Variants in MAPT observed in about 807,000 individuals in gnomAD.
MAPT encodes the protein microtubule-associated protein tau.
Under a neutral mutation model 67.9 loss-of-function variants are expected in MAPT, and 34 were observed. The ratio of observed to expected loss-of-function variants is 0.50; its 90% confidence interval spans 0.38 to 0.67. The LOEUF (loss-of-function observed/expected upper bound fraction) is 0.67, where lower values mean the gene tolerates loss of function less well. Ranked by LOEUF, MAPT falls within the 30% of genes least tolerant of loss-of-function variation. The pLI, the probability that MAPT is intolerant of heterozygous loss-of-function variation, is 0.00. For synonymous variants in MAPT, 456 were observed against 464.5 expected, an observed-to-expected ratio of 0.98 and a Z score of 0.23; for missense variants, 881 against 1,115.2, an observed-to-expected ratio of 0.79 and a Z score of 2.99.
At chr17:45,999,663 G>A in intron 9 of MAPT, 1 of 1,598,476 alleles carries the variant, frequency 6.3e-7, no homozygotes, top group South Asian at 1.1e-5. Flanking sequence ...CATGCCAAGT[G>A]TAGAAAGGGG....
At chr17:45,961,778 T>TTG (rs1162119650) in intron 1 of MAPT, among the ~76,000 whole-genome samples, 1 of 151,224 alleles carries the variant, frequency 6.6e-6, no homozygotes, top group African/African-American at 2.4e-5. Context: ...TTGTTTTGTT[T>TTG]TTTTTTTTTT....
At chr17:45,928,699 G>T (rs1439954415) in intron 1 of MAPT, among the ~76,000 whole-genome samples, 1 of 152,040 alleles carries the variant, frequency 6.6e-6, no homozygotes, top group African/African-American at 2.4e-5. Context: ...TTGTTTGTTT[G>T]TTTGTTTGTT....
intron 1 of MAPT, chr17:45,931,923 C>T (rs1343565762): frequency 6.6e-6 from 1 of 151,782 alleles, no homozygotes; most frequent in Non-Finnish European, 1.5e-5. Context: ...CCTGTCTCTA[C>T]TGAAAACAAT....
At chr17:45,991,887 C>T (rs1180709674) in intron 8 of MAPT, among the ~76,000 whole-genome samples, 2 of 151,646 alleles carry the variant, frequency 1.3e-5, no homozygotes, top group African/African-American at 2.4e-5. Context: ...CAGGTTCAAG[C>T]GATTCTCCTA....
At chr17:45,932,577 A>C (rs561083344) in intron 1 of MAPT, among the ~76,000 whole-genome samples, 62 of 145,092 alleles carry the variant, frequency 4.3e-4, no homozygotes, top group African/African-American at 1.5e-3. Flanking sequence ...CCTGGGAGAC[A>C]GAGTAAGACT....
At position 45,999,697 on chromosome 17, in the gene MAPT, C is replaced by T. The variant is rs776312031; in HGVS notation, c.1998+3033C>T. On this transcript the variant is annotated intron_variant, in intron 9 of 12. Coordinates refer to ENST00000262410, the MANE Select transcript of MAPT (RefSeq NM_001377265.1). ...GGCAGATGGGAGCCCCAGGTTATGA[C>T]GTCACCATGCTGGGTGGAGGCAGCA... 1.8e-5 allele frequency: 28 copies of T among 1,532,484 alleles called. No individual in the cohort carries two copies. In the African/African-American group the frequency reaches 1.9e-4, roughly 11 times the overall value. 94.9% of individuals were successfully genotyped at this position (1,532,484 alleles called of 1,614,324 possible).
chr17:45,901,062 G>A (rs1418988205), intron 1 of MAPT, among the ~76,000 whole-genome samples: 1 of 152,100 alleles, frequency 6.6e-6, no homozygotes, highest in Non-Finnish European at 1.5e-5. Context: ...AGGAAAAGTC[G>A]GCAACTACCC....
Position 45,996,364 on chromosome 17 carries a change from C to T in MAPT, c.1733-35C>T, listed in dbSNP as rs748323009. On this transcript the variant is annotated intron_variant, in intron 8 of 12. Transcript: ENST00000262410. The surrounding 1 kb of genome is among the most constrained non-coding windows in gnomAD (Gnocchi z 4.5). ...AGGGCCTTTTCTGACCCCACCCACT[C>T]GAGTCCTGGCTTCACTCCCTTCCTT... The T allele has an allele frequency of 1.7e-5, 27 of 1,606,224 alleles. No individual in the cohort carries two copies. Among genetic ancestry groups the T allele is most frequent in the African/African-American group, 5.3e-5 (4 of 74,904 alleles).
intron 12 of MAPT, among the ~76,000 whole-genome samples, chr17:46,019,561 G>A (rs537936896): frequency 2.6e-5 from 4 of 152,100 alleles, no homozygotes; most frequent in African/African-American, 9.6e-5. Context: ...TGGAGACGAG[G>A]TTTTGCCACG....
chr17:45,978,144 A>G (rs1173819643), intron 3 of MAPT: 19 of 584,306 alleles, frequency 3.3e-5, no homozygotes, highest in South Asian at 1.6e-4. Context: ...CTACTAGGTC[A>G]TAGCTACACC....
chr17:45,960,407 G>A (rs534401145), intron 1 of MAPT, among the ~76,000 whole-genome samples: 65 of 152,338 alleles, frequency 4.3e-4, no homozygotes, highest in African/African-American at 1.6e-3. Flanking sequence ...AGGAAGAGGG[G>A]TTCAAATTTA....
At chr17:45,927,713 A>C (rs1365480497) in intron 1 of MAPT, among the ~76,000 whole-genome samples, 1 of 152,118 alleles carries the variant, frequency 6.6e-6, no homozygotes, top group African/African-American at 2.4e-5. Context: ...TTTTAAAAGC[A>C]TCCTAGGCCA....
chr17:45,930,873 G>A lies in MAPT; in HGVS notation c.-17-31448G>A, dbSNP rs147498888. Among the ~76,000 whole-genome samples, 233 of 152,306 alleles carry A rather than the reference G, an allele frequency of 1.5e-3. 2 individuals carry two copies. Among genetic ancestry groups the A allele is most frequent in the African/African-American group, 5.2e-3 (216 of 41,566 alleles). ...ATGGCTGCGGGGACTACACGCTGTC[G>A]CTGCTGCAAGGGCCGGCCTCTGTTT... On this transcript the variant is annotated intron_variant, in intron 1 of 12. Transcript: ENST00000262410.
chr17:45,941,362 C>G (rs1304437410), intron 1 of MAPT, among the ~76,000 whole-genome samples: 2 of 152,010 alleles, frequency 1.3e-5, no homozygotes, highest in South Asian at 4.2e-4. Flanking sequence ...CTTGGAAGAC[C>G]CAGAAGCCTC....
chr17:45,904,309 AAAAAC>A (rs1468042526), intron 1 of MAPT, among the ~76,000 whole-genome samples: 22 of 35,972 alleles, frequency 6.1e-4, no homozygotes, highest in Non-Finnish European at 1.1e-3. Flanking sequence ...TAATATATAT[AAAAAC>A]ATATATAATA....
intron 11 of MAPT, among the ~76,000 whole-genome samples, chr17:46,018,114 C>T (rs2076301856): frequency 6.7e-6 from 1 of 149,748 alleles, no homozygotes; most frequent in South Asian, 2.1e-4. Flanking sequence ...CACTGCACTC[C>T]AGCCTGGGCG....
intron 1 of MAPT, among the ~76,000 whole-genome samples, chr17:45,918,232 T>C (rs1327269177): frequency 2.0e-5 from 3 of 152,238 alleles, no homozygotes; most frequent in African/African-American, 7.2e-5. Flanking sequence ...TCTTGGCCAC[T>C]GAAGCGTTTC....
Position 45,897,049 on chromosome 17 carries a change from G to C in MAPT, c.-18+2363G>C, listed in dbSNP as rs1400407173. The C allele has an allele frequency of 3.3e-5, 5 of 152,288 alleles. No individual in the cohort carries two copies. Among genetic ancestry groups the C allele is most frequent in the African/African-American group, 9.6e-5 (4 of 41,468 alleles). 9.4% of individuals were successfully genotyped at this position (152,288 alleles called of 1,614,324 possible). On this transcript the variant is annotated intron_variant, in intron 1 of 12. Transcript: ENST00000262410. This position sits in a 1 kb window ranked among gnomAD's most constrained non-coding sequence, Gnocchi z 5.0. ...CGGGACCAGGCCGACCCTCCTTGAC[G>C]GTGGCGTAGAGGGCTGGAGCCTGGG...
At chr17:46,009,616 A>ACT (rs1411159402) in intron 9 of MAPT, among the ~76,000 whole-genome samples, 1 of 152,198 alleles carries the variant, frequency 6.6e-6, no homozygotes, top group Non-Finnish European at 1.5e-5. Flanking sequence ...CCTTGCAGGG[A>ACT]CAGAGCCCTC....
Sources: allele counts gnomAD v4.1 joint callset (sites outside exome capture counted in the v4.1 genomes callset), GRCh38; gene constraint gnomAD v4.1.1; non-coding constraint Gnocchi (gnomAD v3.1); transcripts MANE v1.5; gene names NCBI Gene and HGNC (gene_info 2026-07-23, HGNC 2026-07-21).